ABCB1: variants seen among roughly 807,000 people sequenced by gnomAD.
ABCB1 encodes the protein ATP-dependent translocase ABCB1.
Under a neutral mutation model 142.0 loss-of-function variants are expected in ABCB1, and 69 were observed. That is an observed-to-expected ratio of 0.49 (90% CI 0.40 to 0.59). The LOEUF (loss-of-function observed/expected upper bound fraction) is 0.59. Ranked by LOEUF, ABCB1 falls within the 20% of genes least tolerant of loss-of-function variation. The pLI is 0.00. For missense variants in ABCB1, 1,326 were observed against 1,554.7 expected (o/e 0.85, Z 2.47); for synonymous variants, 532 against 539.2 (o/e 0.99, Z 0.18).
At chr7:87,693,824 T>C (rs2130658091) in intron 1 of ABCB1, 1 of 1,282,060 alleles carries the variant, frequency 7.8e-7, no homozygotes, top group Non-Finnish European at 1.1e-6. Context: ...GCCATCTTAG[T>C]TGGGCTATTC....
intron 1 of ABCB1, among the ~76,000 whole-genome samples, chr7:87,655,586 G>A (rs1824015740): frequency 6.6e-6 from 1 of 152,120 alleles, no homozygotes; most frequent in Non-Finnish European, 1.5e-5. Flanking sequence ...TCAGAGAGAT[G>A]TTGGTTAAAG....
intron 1 of ABCB1, among the ~76,000 whole-genome samples, chr7:87,614,797 T>C (rs1412282445): frequency 6.6e-6 from 1 of 152,146 alleles, no homozygotes; most frequent in Non-Finnish European, 1.5e-5. Flanking sequence ...GGTTTTGCCT[T>C]TTATTCTTTT....
intron 1 of ABCB1, among the ~76,000 whole-genome samples, chr7:87,686,894 C>T (rs1402809137): frequency 2.0e-5 from 3 of 149,076 alleles, no homozygotes; most frequent in African/African-American, 7.4e-5. Flanking sequence ...TGCAGTGAGC[C>T]ATGATTGTGC....
intron 1 of ABCB1, among the ~76,000 whole-genome samples, chr7:87,623,362 G>A (rs951121511): frequency 3.3e-5 from 5 of 152,194 alleles, no homozygotes; most frequent in African/African-American, 1.2e-4. Context: ...AGAAACTGTA[G>A]GACCAAATCC....
At chr7:87,505,833 G>A in intron 27 of ABCB1, 64 bp downstream of exon 27, 1 of 1,586,042 alleles carries the variant, frequency 6.3e-7, no homozygotes, top group Non-Finnish European at 8.7e-7. Flanking sequence ...TCTTTACTAT[G>A]GAGAATACAG....
chr7:87,576,983 G>C (rs1818297163), intron 4 of ABCB1, among the ~76,000 whole-genome samples: 1 of 151,934 alleles, frequency 6.6e-6, no homozygotes, highest in Non-Finnish European at 1.5e-5. Context: ...TCACCCTGTT[G>C]TGTGATCAAA....
At chr7:87,545,116 G>A in intron 15 of ABCB1, 117 bp from the exon 16 acceptor site, 1 of 883,060 alleles carries the variant, frequency 1.1e-6, no homozygotes, top group Non-Finnish European at 1.8e-6. Flanking sequence ...CTGCAGAAAA[G>A]GATAAAGCTA....
chr7:87,561,978 C>A (rs1817578639), intron 7 of ABCB1, among the ~76,000 whole-genome samples: 3 of 152,014 alleles, frequency 2.0e-5, no homozygotes, highest in African/African-American at 4.8e-5. Context: ...AGAGTGAGAC[C>A]CTGTTCTCCC....
At position 87,560,931 on chromosome 7, in the gene ABCB1, T is replaced by A. The variant is rs532213553; in HGVS notation, c.827+332A>T. Among the ~76,000 whole-genome samples, 293 of 152,314 alleles carry A rather than the reference T, an allele frequency of 1.9e-3. 3 individuals are homozygous for A. Among genetic ancestry groups the A allele is most frequent in the Non-Finnish European group, 2.7e-3 (184 of 68,026 alleles). ...TGAACCACGGATTAAAATGTCCCCA[T>A]AGATCTTACACAAAATACTCAGTCA... On this transcript the variant is annotated intron_variant, in intron 8 of 27. Transcript: ENST00000622132.
At chr7:87,605,901 T>C (rs1207721329) in intron 1 of ABCB1, among the ~76,000 whole-genome samples, 2 of 151,878 alleles carry the variant, frequency 1.3e-5, no homozygotes, top group Non-Finnish European at 2.9e-5. Flanking sequence ...ATTAAGAACA[T>C]GAGAGTAAAA....
intron 3 of ABCB1, among the ~76,000 whole-genome samples, chr7:87,590,311 T>A (rs1818946180): frequency 6.6e-6 from 1 of 152,194 alleles, no homozygotes; most frequent in Non-Finnish European, 1.5e-5. Flanking sequence ...GGCACCATTC[T>A]AGGGCATTTG....
At chr7:87,651,647 C>G (rs1823579818) in intron 1 of ABCB1, among the ~76,000 whole-genome samples, 4 of 152,074 alleles carry the variant, frequency 2.6e-5, no homozygotes. Flanking sequence ...TCTTTACAAT[C>G]TTAATGATAC....
chr7:87,647,384 A>G (rs1238180279), intron 1 of ABCB1, among the ~76,000 whole-genome samples: 1 of 152,216 alleles, frequency 6.6e-6, no homozygotes, highest in African/African-American at 2.4e-5. Context: ...TCCAGAAGCT[A>G]CATAATGTGT....
Position 87,585,539 on chromosome 7 carries a change from C to T in ABCB1, c.259G>A (p.Asp87Asn). 6.2e-7 allele frequency: 1 copy of T among 1,613,826 alleles called. No individual in the cohort carries two copies. The highest frequency in any genetic ancestry group is 8.5e-7 in the Non-Finnish European group (1 of 1,179,862). Residue 87 changes from aspartate to asparagine, a missense_variant, in exon 4 of 28, where the codon GAT becomes AAT. Asp to Asn is a conservative substitution (Grantham distance 23). Transcript: ENST00000622132. ...DIFANAGNLE[D>N]LMSNITNRSD... is the part of the protein sequence containing the mutation. ...CTATTAGTGATGTTTGACATCAGAT[C>T]TTCTAAATTTCCTGCATTTGCAAAG...
intron 1 of ABCB1, chr7:87,700,527 G>T: frequency 1.2e-6 from 2 of 1,612,944 alleles, no homozygotes; most frequent in Non-Finnish European, 1.7e-6. Flanking sequence ...TTGAAAATAT[G>T]GAAAATGTCA....
chr7:87,589,616 T>G (rs1044971549), intron 3 of ABCB1, among the ~76,000 whole-genome samples: 4 of 152,024 alleles, frequency 2.6e-5, no homozygotes, highest in African/African-American at 9.7e-5. Context: ...AGACCCTCTC[T>G]CTACAAAAAA....
Position 87,626,330 on chromosome 7 carries a change from TGTGTCGTATATG to T in ABCB1, c.-330-25264_-330-25253del, listed in dbSNP as rs1820527426. On this transcript the variant is annotated intron_variant, in intron 1 of 28. Transcript: ENST00000265724. ...ATGTGTCGTATATGTGTCATATATATGTGTCGTATATGTGTCATATATATGTGTCATATATAT... is the reference window on the plus strand; with the variant it reads ...ATGTGTCGTATATGTGTCATATATATTGTCATATATATGTGTCATATATAT... Among the ~76,000 whole-genome samples the T allele has an allele frequency of 8.5e-5, 3 of 35,478 alleles. 1 individual carries two copies. The highest frequency in any genetic ancestry group is 7.6e-4 in the Admixed American group (2 of 2,644). 23.3% of individuals were successfully genotyped at this position (35,478 alleles called of 152,430 possible). A position where few individuals can be genotyped will look rare whatever the true frequency, so the allele number is the denominator to read the frequency against.
At chr7:87,698,726 G>C (rs952349902) in intron 1 of ABCB1, among the ~76,000 whole-genome samples, 3 of 152,080 alleles carry the variant, frequency 2.0e-5, no homozygotes, top group African/African-American at 7.2e-5. Flanking sequence ...TCTAAAATAA[G>C]ACAAAATTCC....
intron 1 of ABCB1, among the ~76,000 whole-genome samples, chr7:87,684,811 A>G (rs1827300657): frequency 6.6e-6 from 1 of 151,542 alleles, no homozygotes; most frequent in Non-Finnish European, 1.5e-5. Context: ...AAAGATACAC[A>G]TAAATATGCT....
Sources: gnomAD v4.1 joint callset for allele counts (sites outside exome capture counted in the v4.1 genomes callset) on GRCh38, gnomAD v4.1.1 for gene constraint, MANE v1.5 for transcripts, NCBI Gene and HGNC (gene_info 2026-07-23, HGNC 2026-07-21) for gene names.